BLTP1: variants seen among roughly 807,000 people sequenced by gnomAD.
BLTP1 encodes the protein fragile site-associated protein.
At chr4:122,270,886 G>A in the BLTP1 span, 1 of 1,236,392 alleles carries the variant, frequency 8.1e-7, no homozygotes, top group Non-Finnish European at 1.1e-6. Flanking sequence ...ATATTTTACT[G>A]GTTTGCTTGC....
At chr4:122,201,049 C>A in the BLTP1 span, 1 of 1,613,426 alleles carries the variant, frequency 6.2e-7, no homozygotes, top group African/African-American at 1.3e-5. Flanking sequence ...TGGAACATGC[C>A]GCAGACATGG....
the BLTP1 span, chr4:122,172,876 C>T: frequency 5.6e-5 from 54 of 966,416 alleles, no homozygotes; most frequent in East Asian, 1.1e-4. Context: ...TGGATCTGAT[C>T]GGAATTTATG....
chr4:122,362,459 A>T, the BLTP1 span: 3 of 397,074 alleles, frequency 7.6e-6, no homozygotes, highest in East Asian at 1.4e-4. Flanking sequence ...AACTAGATTA[A>T]AATATATAAC....
the BLTP1 span, among the ~76,000 whole-genome samples, chr4:122,265,074 G>A: frequency 2.0e-5 from 3 of 152,170 alleles, no homozygotes; most frequent in East Asian, 5.8e-4. Context: ...GGTGAGAGGA[G>A]GCATCATTTT....
chr4:122,307,405 A>C, the BLTP1 span: 1 of 916,506 alleles, frequency 1.1e-6, no homozygotes, highest in African/African-American at 1.8e-5. Flanking sequence ...TTTTCCTCCT[A>C]CTTCTCTGGC....
the BLTP1 span, chr4:122,174,140 C>T: frequency 1.1e-6 from 1 of 943,118 alleles, no homozygotes; most frequent in African/African-American, 1.8e-5. Flanking sequence ...CCATTCTAAC[C>T]TGCCTTATAA....
chr4:122,273,724 T>G, the BLTP1 span, among the ~76,000 whole-genome samples: 2 of 151,956 alleles, frequency 1.3e-5, no homozygotes, highest in Non-Finnish European at 2.9e-5. Context: ...ATGATCAGAA[T>G]TGTGTGAAAA....
At chr4:122,302,294 C>G in the BLTP1 span, 1 of 967,846 alleles carries the variant, frequency 1.0e-6, no homozygotes, top group Non-Finnish European at 1.2e-6. Flanking sequence ...ATATCCTATA[C>G]AGGCATACCT....
chr4:122,208,756 C>G, the BLTP1 span: 1 of 724,694 alleles, frequency 1.4e-6, no homozygotes, highest in Non-Finnish European at 1.7e-6. Flanking sequence ...GCAAAATCTG[C>G]CATTTCAAAT....
chr4:122,274,676 A>T, the BLTP1 span: 1 of 966,746 alleles, frequency 1.0e-6, no homozygotes, highest in Non-Finnish European at 1.2e-6. Context: ...TTTCATGTTA[A>T]CTACAAAACA....
chr4:122,314,203 G>A, the BLTP1 span: 1 of 811,310 alleles, frequency 1.2e-6, no homozygotes, highest in Admixed American at 6.2e-5. Context: ...GGAAAATTCA[G>A]GCAGAGAGAA....
chr4:122,347,770 C>T, the BLTP1 span: 5 of 1,612,466 alleles, frequency 3.1e-6, no homozygotes, highest in Admixed American at 6.7e-5. Flanking sequence ...TTCTTCAGTT[C>T]CTCGAAGAGG....
At chr4:122,335,974 C>T in the BLTP1 span, 27 of 372,494 alleles carry the variant, frequency 7.2e-5, no homozygotes, top group South Asian at 4.1e-4. Flanking sequence ...AAACTTGTGA[C>T]GCAGAGCAAG....
chr4:122,207,012 G>T, the BLTP1 span: 33 of 1,170,372 alleles, frequency 2.8e-5, 1 homozygote, highest in Middle Eastern at 5.9e-4. Flanking sequence ...TTACACAAAA[G>T]AAAAATTCAT....
chr4:122,235,554 C>G, the BLTP1 span: 1 of 828,358 alleles, frequency 1.2e-6, no homozygotes, highest in Non-Finnish European at 1.5e-6. Flanking sequence ...ACCTGTAATC[C>G]CAGCACTTTG....
the BLTP1 span, among the ~76,000 whole-genome samples, chr4:122,236,361 TGATAA>T: frequency 1.3e-5 from 2 of 152,246 alleles, no homozygotes; most frequent in Non-Finnish European, 2.9e-5. Context: ...GGCATTTAAG[TGATAA>T]GATAGATTGT....
chr4:122,161,223 T>A, the BLTP1 span: 1 of 584,690 alleles, frequency 1.7e-6, no homozygotes, highest in Non-Finnish European at 2.2e-6. Flanking sequence ...CCAAAGATTG[T>A]GATTTCATTG....
At chr4:122,265,323 T>C in the BLTP1 span, among the ~76,000 whole-genome samples, 8,042 of 152,324 alleles carry the variant, frequency 0.053, 724 homozygotes, top group African/African-American at 0.18. Flanking sequence ...ATGTAAATGC[T>C]ACGTCAATAA....
the BLTP1 span, chr4:122,153,829 G>T: frequency 4.6e-6 from 1 of 217,892 alleles, no homozygotes; most frequent in Non-Finnish European, 7.8e-6. Flanking sequence ...GCTTCAGTTT[G>T]GAAGTTGTAG....
Sources: allele counts gnomAD v4.1 joint callset (sites outside exome capture counted in the v4.1 genomes callset), GRCh38; gene constraint gnomAD v4.1.1; transcripts MANE v1.5; gene names NCBI Gene and HGNC (gene_info 2026-07-23, HGNC 2026-07-21).